Variants in FBN1 observed in about 807,000 individuals in gnomAD.
FBN1 encodes the protein fibrillin-1.
Under a neutral mutation model 365.1 loss-of-function variants are expected in FBN1, and 29 were observed. The observed-to-expected ratio is 0.08, with a 90% CI of 0.06 to 0.11. FBN1 has a LOEUF of 0.11. Among genes scored for constraint, FBN1 ranks in the 10% least tolerant of loss-of-function variants. FBN1 has a pLI of 1.00. For synonymous variants in FBN1, 1,210 were observed against 1,270.5 expected (o/e 0.95, Z 1.01); for missense variants, 2,476 against 3,703.2 (o/e 0.67, Z 8.60).
intron 17 of FBN1, among the ~76,000 whole-genome samples, chr15:48,500,918 CTGAA>C (rs760178927): frequency 3.9e-5 from 6 of 152,200 alleles, no homozygotes; most frequent in Non-Finnish European, 7.4e-5. Flanking sequence ...CCTCAACTGA[CTGAA>C]GACATTCCTT....
rs769399615 is a variant in FBN1 at position 48,497,402 on chromosome 15, A to G, written c.2168-11T>C. 6 of 1,610,858 alleles carry G rather than the reference A, an allele frequency of 3.7e-6. No individual in the cohort carries two copies. The Admixed American group carries it at 1.0e-4, about 27-fold the overall frequency. The stretch of plus-strand genomic sequence containing the variant: ...CACATTCATTTATATCTGCACCACA[A>G]AAAAGGTCAAAATCAATTAAGATTA... On this transcript the variant is annotated splice_polypyrimidine_tract_variant and intron_variant, in intron 18 of 65. Coordinates refer to ENST00000316623, the MANE Select transcript of FBN1 (RefSeq NM_000138.5).
chr15:48,527,343 C>G (rs951595977), intron 8 of FBN1, among the ~76,000 whole-genome samples: 1 of 152,184 alleles, frequency 6.6e-6, no homozygotes, highest in Non-Finnish European at 1.5e-5. Flanking sequence ...CAAATGTCAA[C>G]AGATACGGCA....
chr15:48,633,284 AT>A (rs1156629645), intron 2 of FBN1, among the ~76,000 whole-genome samples: 2 of 152,092 alleles, frequency 1.3e-5, no homozygotes, highest in East Asian at 1.9e-4. Context: ...GAATTTAAGA[AT>A]TTTTTTCTTT....
chr15:48,642,830 T>C (rs966285921), intron 2 of FBN1: 2 of 152,224 alleles, frequency 1.3e-5, no homozygotes, highest in Admixed American at 1.3e-4. Flanking sequence ...TCTGTGTTAA[T>C]GATCAAATAC....
intron 6 of FBN1, among the ~76,000 whole-genome samples, chr15:48,588,169 G>A (rs1050271772): frequency 1.3e-5 from 2 of 152,090 alleles, no homozygotes; most frequent in Non-Finnish European, 2.9e-5. Flanking sequence ...TATAATATAT[G>A]CATTGGATTT....
intron 6 of FBN1, among the ~76,000 whole-genome samples, chr15:48,583,691 A>G (rs1304756337): frequency 6.6e-6 from 1 of 152,224 alleles, no homozygotes; most frequent in African/African-American, 2.4e-5. Context: ...CAAATCTTTC[A>G]GGAATTTTTG....
chr15:48,626,560 T>C (rs1192068591), intron 2 of FBN1, among the ~76,000 whole-genome samples: 5 of 152,152 alleles, frequency 3.3e-5, no homozygotes, highest in Admixed American at 6.5e-5. Context: ...AGGGACAATA[T>C]TGTTGCTCAG....
intron 16 of FBN1, 108 bp from the exon 17 acceptor site, chr15:48,504,047 C>T (rs1262490469): frequency 1.5e-6 from 2 of 1,302,272 alleles, no homozygotes; most frequent in East Asian, 2.3e-5. Flanking sequence ...TGGTGTAACT[C>T]ACAGGGAATG....
At chr15:48,538,782 C>A (rs966574522) in intron 6 of FBN1, among the ~76,000 whole-genome samples, 2 of 152,278 alleles carry the variant, frequency 1.3e-5, no homozygotes, top group African/African-American at 4.8e-5. Flanking sequence ...TATCCACAAA[C>A]CAACATTTGC....
chr15:48,432,833 C>T, intron 55 of FBN1, 33 bp downstream of exon 55: 1 of 1,612,802 alleles, frequency 6.2e-7, no homozygotes. Context: ...ATAAAGCTTC[C>T]TGGCTTAGAT....
intron 19 of FBN1, among the ~76,000 whole-genome samples, chr15:48,496,927 A>G (rs1209374773): frequency 1.3e-5 from 2 of 152,180 alleles, no homozygotes; most frequent in East Asian, 1.9e-4. Flanking sequence ...TCTCTCAGTA[A>G]AATCAAGGTT....
At chr15:48,437,110 A>G in intron 52 of FBN1, 33 bp from the exon 53 acceptor site, 1 of 1,435,954 alleles carries the variant, frequency 7.0e-7, no homozygotes, top group Non-Finnish European at 9.8e-7. Context: ...GTGAATAACA[A>G]GGTATTTTTT....
In FBN1 at chr15:48,424,252, G is replaced by C. The variant is rs139305901; in HGVS notation, c.7453+1117C>G. ...CTCCCCAAACTACAGGATTATACAG[G>C]CTTTGTGCTGCACAGGAAGGCCTCA... is the stretch of plus-strand genomic sequence containing the variant. On this transcript the variant is annotated intron_variant, in intron 60 of 65. Transcript: ENST00000316623. Among the ~76,000 whole-genome samples, 1,333 of 152,254 alleles carry C rather than the reference G, an allele frequency of 8.8e-3. 17 individuals carry two copies. Among genetic ancestry groups the C allele is most frequent in the Non-Finnish European group, 0.011 (725 of 68,012 alleles).
chr15:48,593,304 A>G (rs2044492245), intron 6 of FBN1, among the ~76,000 whole-genome samples: 1 of 152,210 alleles, frequency 6.6e-6, no homozygotes, highest in African/African-American at 2.4e-5. Context: ...AGGGACATAG[A>G]TCTTTATCCT....
intron 56 of FBN1, 69 bp downstream of exon 56, chr15:48,430,602 A>T: frequency 6.3e-7 from 1 of 1,586,280 alleles, no homozygotes; most frequent in Non-Finnish European, 8.7e-7. Context: ...AAGAACTCAG[A>T]GCCCAGGTTC....
At chr15:48,576,778 T>G (rs188004942) in intron 6 of FBN1, among the ~76,000 whole-genome samples, 7 of 152,298 alleles carry the variant, frequency 4.6e-5, no homozygotes, top group Non-Finnish European at 8.8e-5. Flanking sequence ...ATGTCTGCCC[T>G]CATGGAGTTT....
intron 25 of FBN1, among the ~76,000 whole-genome samples, chr15:48,489,200 ATTTTTTT>A (rs756179079): frequency 1.4e-4 from 7 of 48,418 alleles, no homozygotes; most frequent in African/African-American, 5.0e-4. Flanking sequence ...ATGCCTAGAT[ATTTTTTT>A]TTTTTTTTTT....
intron 5 of FBN1, among the ~76,000 whole-genome samples, 153 bp downstream of exon 5, chr15:48,599,986 G>A (rs1441790093): frequency 7.9e-5 from 12 of 152,188 alleles, no homozygotes; most frequent in Admixed American, 7.9e-4. Context: ...AGTTTTTTGA[G>A]TAAGTGATTT....
intron 2 of FBN1, among the ~76,000 whole-genome samples, chr15:48,634,409 C>T (rs951953420): frequency 6.6e-6 from 1 of 152,136 alleles, no homozygotes; most frequent in Non-Finnish European, 1.5e-5. Context: ...GGCCACAGGT[C>T]GCCTGGTCCC....
Sources: gnomAD v4.1 joint callset for allele counts (sites outside exome capture counted in the v4.1 genomes callset) on GRCh38, gnomAD v4.1.1 for gene constraint, MANE v1.5 for transcripts, NCBI Gene and HGNC (gene_info 2026-07-23, HGNC 2026-07-21) for gene names.